Variants in ROBO1 observed in about 807,000 individuals in gnomAD.
The protein encoded by ROBO1 is roundabout guidance receptor 1.
Under a neutral mutation model 195.9 loss-of-function variants are expected in ROBO1, and 149 were observed. That is an observed-to-expected ratio of 0.76 (90% CI 0.67 to 0.87). The LOEUF (loss-of-function observed/expected upper bound fraction) is 0.87. Ranked by LOEUF, ROBO1 falls within the 40% of genes least tolerant of loss-of-function variation. ROBO1 has a pLI of 0.00. For synonymous variants in ROBO1, 816 were observed against 733.2 expected, an observed-to-expected ratio of 1.11 and a Z score of -1.82; for missense variants, 1,933 against 2,068.3, an observed-to-expected ratio of 0.93 and a Z score of 1.27.
intron 2 of ROBO1, among the ~76,000 whole-genome samples, chr3:79,571,055 T>C (rs992279418): frequency 6.6e-6 from 1 of 152,144 alleles, no homozygotes. Context: ...ATGTATATTA[T>C]TGTTATGCCT....
At chr3:79,618,824 T>C (rs1944907154) in intron 1 of ROBO1, among the ~76,000 whole-genome samples, 3 of 152,132 alleles carry the variant, frequency 2.0e-5, no homozygotes, top group South Asian at 4.1e-4. Context: ...TAAGTGGTTT[T>C]TTCACTCTCT....
intron 4 of ROBO1, among the ~76,000 whole-genome samples, chr3:78,914,257 T>G (rs373010265): frequency 1.3e-5 from 2 of 152,162 alleles, no homozygotes; most frequent in Non-Finnish European, 2.9e-5. Flanking sequence ...AAAGGCTATA[T>G]AAACCATATT....
At chr3:79,133,390 T>C (rs1465330233) in intron 2 of ROBO1, among the ~76,000 whole-genome samples, 2 of 126,020 alleles carry the variant, frequency 1.6e-5, no homozygotes, top group African/African-American at 3.0e-5. Flanking sequence ...TTTCTTTTTA[T>C]TCTTTTTTCT....
intron 3 of ROBO1, among the ~76,000 whole-genome samples, chr3:78,943,315 A>T (rs1384429867): frequency 2.0e-5 from 3 of 152,142 alleles, no homozygotes; most frequent in Non-Finnish European, 4.4e-5. Context: ...TCTGGATGTC[A>T]CCCAGGCGCC....
chr3:79,674,178 C>T (rs542144283), intron 1 of ROBO1, among the ~76,000 whole-genome samples: 2 of 152,048 alleles, frequency 1.3e-5, no homozygotes, highest in South Asian at 2.1e-4. Flanking sequence ...AACAAAGGAC[C>T]TGCAATTGAG....
intron 4 of ROBO1, among the ~76,000 whole-genome samples, chr3:78,784,471 G>A (rs1293578059): frequency 2.0e-5 from 3 of 152,112 alleles, no homozygotes; most frequent in African/African-American, 7.2e-5. Flanking sequence ...TAGCTGTACA[G>A]CTTTAAAAAG....
At chr3:79,271,104 TA>T in intron 2 of ROBO1, among the ~76,000 whole-genome samples, 1 of 151,938 alleles carries the variant, frequency 6.6e-6, no homozygotes, top group South Asian at 2.1e-4. Context: ...TTAATGGAGG[TA>T]GAAAAGTAAG....
At chr3:79,353,451 G>A (rs9876111) in intron 2 of ROBO1, among the ~76,000 whole-genome samples, 7,204 of 150,464 alleles carry the variant, frequency 0.048, 589 homozygotes, top group African/African-American at 0.17. Flanking sequence ...ACACATGTAC[G>A]CAAAAATAAT....
rs35108863 is a variant in ROBO1 at position 78,878,583 on chromosome 3, C to CAAA, written c.499+60015_499+60017dup. Among the ~76,000 whole-genome samples the CAAA allele has an allele frequency of 8.9e-3, 407 of 45,922 alleles. 9 individuals carry two copies. Among genetic ancestry groups the CAAA allele is most frequent in the Non-Finnish European group, 0.011 (270 of 23,788 alleles). 30.1% of individuals were successfully genotyped at this position (45,922 alleles called of 152,430 possible). On this transcript the variant is annotated intron_variant, in intron 4 of 30. Coordinates refer to ENST00000464233, the MANE Select transcript of ROBO1 (RefSeq NM_002941.4). The stretch of plus-strand genomic sequence containing the variant: ...TGGGCAAAAGAGTGAAACCCCATCT[C>CAAA]AAAAAAAAAAAAAAAAAAAAAAAAA...
intron 4 of ROBO1, among the ~76,000 whole-genome samples, chr3:78,784,451 T>C (rs763356177): frequency 4.6e-5 from 7 of 152,142 alleles, no homozygotes; most frequent in Non-Finnish European, 1.0e-4. Flanking sequence ...AACTTCTGTT[T>C]CGGGATGTTT....
intron 1 of ROBO1, among the ~76,000 whole-genome samples, chr3:79,756,126 G>A (rs559128489): frequency 1.3e-4 from 20 of 152,240 alleles, no homozygotes; most frequent in South Asian, 2.1e-4. Context: ...TGCATTGTAG[G>A]TATGTTCATT....
At chr3:79,268,700 C>T (rs913524258) in intron 2 of ROBO1, among the ~76,000 whole-genome samples, 7 of 151,666 alleles carry the variant, frequency 4.6e-5, no homozygotes, top group Non-Finnish European at 8.9e-5. Flanking sequence ...ACATAGCCTA[C>T]TTATATGAGT....
intron 3 of ROBO1, among the ~76,000 whole-genome samples, chr3:79,070,006 T>G (rs1203079560): frequency 6.6e-6 from 1 of 151,872 alleles, no homozygotes; most frequent in Non-Finnish European, 1.5e-5. Context: ...TCAACTGGTC[T>G]TGAAGTTATT....
At position 78,679,342 on chromosome 3, in the gene ROBO1, A is replaced by G. The variant is rs987977030; in HGVS notation, c.1342+6404T>C. On this transcript the variant is annotated intron_variant, in intron 10 of 30. Coordinates refer to ENST00000464233, the MANE Select transcript of ROBO1 (RefSeq NM_002941.4). ...TCTGGCCAGGGCAATTAGGCAGGAG[A>G]AGGAAATAAAGGGTATTCAATTAGG... is the stretch of plus-strand genomic sequence containing the variant. 3.3e-5 allele frequency among the ~76,000 whole-genome samples: 5 copies of G among 152,104 alleles called. 1 individual carries two copies. In the East Asian group the frequency reaches 9.6e-4, roughly 29 times the overall value.
intron 2 of ROBO1, among the ~76,000 whole-genome samples, chr3:79,149,816 G>T (rs1395353477): frequency 6.6e-6 from 1 of 151,716 alleles, no homozygotes; most frequent in African/African-American, 2.4e-5. Context: ...GTTCAGTTAG[G>T]CTCTGATGAA....
At chr3:79,331,401 TTAAGA>T (rs1212628972) in intron 2 of ROBO1, among the ~76,000 whole-genome samples, 5 of 152,174 alleles carry the variant, frequency 3.3e-5, no homozygotes, top group East Asian at 1.9e-4. Flanking sequence ...TGAAAAATAA[TTAAGA>T]TAAAACAGTT....
intron 2 of ROBO1, among the ~76,000 whole-genome samples, chr3:79,303,120 ACTAACT>A (rs1183865515): frequency 1.1e-4 from 16 of 150,678 alleles, no homozygotes; most frequent in African/African-American, 3.9e-4. Context: ...TTGCGGACTG[ACTAACT>A]CTAGCTAATT....
chr3:79,756,277 T>C (rs983018704), intron 1 of ROBO1, among the ~76,000 whole-genome samples: 2 of 151,850 alleles, frequency 1.3e-5, no homozygotes, highest in South Asian at 2.1e-4. Flanking sequence ...TTGGGCTGGG[T>C]GCGGTGGCTC....
chr3:79,710,994 A>C (rs1257112605), intron 1 of ROBO1, among the ~76,000 whole-genome samples: 1 of 152,166 alleles, frequency 6.6e-6, no homozygotes, highest in Non-Finnish European at 1.5e-5. Flanking sequence ...AATATGATCT[A>C]CTAAATTTAT....
Sources: allele counts gnomAD v4.1 joint callset (sites outside exome capture counted in the v4.1 genomes callset), GRCh38; gene constraint gnomAD v4.1.1; transcripts MANE v1.5; gene names NCBI Gene and HGNC (gene_info 2026-07-23, HGNC 2026-07-21).